The following KIF13A variants were observed in gnomAD, a reference collection of about 807,000 sequenced individuals.
KIF13A encodes the protein kinesin-like protein KIF13A.
Under a neutral mutation model 212.2 loss-of-function variants are expected in KIF13A, and 79 were observed. That is an observed-to-expected ratio of 0.37 (90% CI 0.31 to 0.45). The LOEUF is 0.45. Among genes scored for constraint, KIF13A ranks in the 20% least tolerant of loss-of-function variants. The pLI, the probability that KIF13A is intolerant of heterozygous loss-of-function variation, is 1.00. For synonymous variants in KIF13A, 789 were observed against 808.6 expected (o/e 0.98, Z 0.41); for missense variants, 1,901 against 2,209.0 (o/e 0.86, Z 2.79).
rs1370073450 is a variant in KIF13A at position 17,769,816 on chromosome 6, G to A, written c.4581+1298C>T. On this transcript the variant is annotated intron_variant, in intron 38 of 38. Coordinates refer to ENST00000259711, the MANE Select transcript of KIF13A (RefSeq NM_022113.6). This position sits in a 1 kb window ranked among gnomAD's most constrained non-coding sequence, Gnocchi z 5.8. The stretch of plus-strand genomic sequence containing the variant: ...AGCCCTTATTAATTGAGCAGAGGGT[G>A]GTCAGGTAAGTGAGAGAACAGCTCA... Among the ~76,000 whole-genome samples, 1 of 152,094 alleles carries A rather than the reference G, an allele frequency of 6.6e-6. No individual in the cohort carries two copies. Among genetic ancestry groups the A allele is most frequent in the Non-Finnish European group, 1.5e-5 (1 of 68,028 alleles).
chr6:17,951,279 C>G lies in KIF13A; in HGVS notation c.146+35775G>C, dbSNP rs1260048943. ...AGTAGCTGGGACCACAGGTATGCGC[C>G]ACCACGTCCAGCTAATTTTAAACAA... is the stretch of plus-strand genomic sequence containing the variant. On this transcript the variant is annotated intron_variant, in intron 2 of 38. Transcript: ENST00000259711. The surrounding 1 kb of genome is among the most constrained non-coding windows in gnomAD (Gnocchi z 4.9). The G allele has an allele frequency of 1.7e-6, 1 of 596,854 alleles. No homozygotes were observed. The highest frequency in any genetic ancestry group is 1.9e-5 in the African/African-American group (1 of 52,314). 37.0% of individuals were successfully genotyped at this position (596,854 alleles called of 1,614,324 possible).
At chr6:17,885,222 A>G (rs1182354964) in intron 3 of KIF13A, among the ~76,000 whole-genome samples, 1 of 152,218 alleles carries the variant, frequency 6.6e-6, no homozygotes, top group African/African-American at 2.4e-5. Context: ...AACTGCCTTC[A>G]CTACTGCTTT....
At chr6:17,910,666 A>G (rs1773965491) in intron 2 of KIF13A, among the ~76,000 whole-genome samples, 2 of 152,276 alleles carry the variant, frequency 1.3e-5, no homozygotes, top group African/African-American at 4.8e-5. Flanking sequence ...TGCCAACTTT[A>G]TAACAGAAGC....
chr6:17,894,081 T>C (rs544808465), intron 3 of KIF13A, among the ~76,000 whole-genome samples: 127 of 151,768 alleles, frequency 8.4e-4, no homozygotes, highest in Non-Finnish European at 1.5e-3. Flanking sequence ...CTCGTGATCC[T>C]CCCACCTTGG....
At position 17,796,726 on chromosome 6, in the gene KIF13A, C is replaced by G; in HGVS notation, c.2885G>C (p.Gly962Ala). The change falls in exon 23 of 39, where the codon GGC becomes GCC. Residue 962 changes from glycine (G) to alanine (A), a missense_variant. This residue lies in a region of KIF13A where 534 missense variants were observed against 536.9 expected (regional missense o/e 0.99). Coordinates refer to ENST00000259711, the MANE Select transcript of KIF13A (RefSeq NM_022113.6). The stretch of plus-strand genomic sequence containing the variant: ...AGAATCGACCTCCCAGATGGAGCTG[C>G]CATTTCCAGCACACCGGTGGCCCCA... ...EVWGHRCAGN[G>A]SSIWEVDSLH... is the part of the protein sequence containing the mutation. 1 of 1,593,410 alleles carries G rather than the reference C, an allele frequency of 6.3e-7. No homozygotes were observed.
chr6:17,948,637 A>C (rs1777609801), intron 2 of KIF13A, among the ~76,000 whole-genome samples: 1 of 131,784 alleles, frequency 7.6e-6, no homozygotes, highest in Non-Finnish European at 1.5e-5. Context: ...ATCTCGGCTC[A>C]CTGGGACCTC....
In KIF13A at chr6:17,834,900, A is replaced by T. The variant is rs545673240; in HGVS notation, c.1156-829T>A. ...TAGTGCTGAGTACAGTGGGACATAT[A>T]TGAAAATTATAGGCCAGGCCAATGG... On this transcript the variant is annotated intron_variant, in intron 11 of 38. Transcript: ENST00000259711. This position sits in a 1 kb window ranked among gnomAD's most constrained non-coding sequence, Gnocchi z 4.0. Among the ~76,000 whole-genome samples the T allele has an allele frequency of 2.0e-5, 3 of 152,258 alleles. No homozygotes were observed. In the South Asian group the frequency reaches 6.2e-4, roughly 32 times the overall value.
intron 34 of KIF13A, among the ~76,000 whole-genome samples, chr6:17,775,510 G>A (rs1338654258): frequency 6.6e-6 from 1 of 152,058 alleles, no homozygotes; most frequent in African/African-American, 2.4e-5. Flanking sequence ...TTTAGAATCA[G>A]CTTATCAAAT....
chr6:17,906,787 T>C lies in KIF13A; in HGVS notation c.147-8607A>G, dbSNP rs555241301. On this transcript the variant is annotated intron_variant, in intron 2 of 38. Coordinates refer to ENST00000259711, the MANE Select transcript of KIF13A (RefSeq NM_022113.6). ...CTTTTCAAGAACACTATTCTTGCAG[T>C]TGGTGAGGGGAAGCTACGGTTCCAT... Among the ~76,000 whole-genome samples the C allele has an allele frequency of 1.1e-4, 17 of 152,090 alleles. No individual in the cohort carries two copies. In the East Asian group the frequency reaches 2.7e-3, roughly 24 times the overall value.
chr6:17,942,324 C>A (rs1348746448), intron 2 of KIF13A, among the ~76,000 whole-genome samples: 1 of 128,924 alleles, frequency 7.8e-6, no homozygotes, highest in Non-Finnish European at 1.6e-5. Context: ...ACAACAAGAA[C>A]AACAACAACA....
Position 17,914,157 on chromosome 6 carries a change from G to T in KIF13A, c.147-15977C>A, listed in dbSNP as rs1027025091. Reference sequence around the variant, plus strand: ...AAGGCCATTTCTTAGTCTAAAGAATGTTCAGGTTAGAAGGCAAATCTCAAG... The same window carrying T: ...AAGGCCATTTCTTAGTCTAAAGAATTTTCAGGTTAGAAGGCAAATCTCAAG... On this transcript the variant is annotated intron_variant, in intron 2 of 38. Transcript: ENST00000259711. The surrounding 1 kb of genome is among the most constrained non-coding windows in gnomAD (Gnocchi z 5.9). Among the ~76,000 whole-genome samples the T allele has an allele frequency of 3.9e-5, 6 of 152,206 alleles. No homozygotes were observed. The highest frequency in any genetic ancestry group is 1.4e-4 in the African/African-American group (6 of 41,454).
At chr6:17,832,413 G>A (rs1267921342) in intron 12 of KIF13A, among the ~76,000 whole-genome samples, 1 of 152,094 alleles carries the variant, frequency 6.6e-6, no homozygotes. Context: ...AAGGCGGGTG[G>A]ATCACCTGAG....
intron 2 of KIF13A, among the ~76,000 whole-genome samples, chr6:17,913,096 CAT>C (rs892388667): frequency 6.0e-5 from 9 of 150,322 alleles, no homozygotes; most frequent in Non-Finnish European, 7.4e-5. Flanking sequence ...AATACATAAA[CAT>C]ATATATATAT....
chr6:17,804,451 G>T lies in KIF13A; in HGVS notation c.2364C>A (p.Asn788Lys). The change falls in exon 20 of 39, where the codon AAC becomes AAA. Residue 788 changes from asparagine to lysine, a missense_variant. Asn to Lys is a moderately conservative substitution (Grantham distance 94). This residue lies in a region of KIF13A where 534 missense variants were observed against 536.9 expected (regional missense o/e 0.99). Coordinates refer to ENST00000259711, the MANE Select transcript of KIF13A (RefSeq NM_022113.6). ...AGAATACATTCGCCACCCCGATGAG[G>T]TTGTGATTTTCTTGGGCTTCATAGA... ...DPFYEAQENH[N>K]LIGVANVFLE... is the part of the protein sequence containing the mutation. 2 of 1,587,432 alleles carry T rather than the reference G, an allele frequency of 1.3e-6. No individual in the cohort carries two copies. Among genetic ancestry groups the T allele is most frequent in the East Asian group, 2.3e-5 (1 of 43,716 alleles).
In KIF13A at chr6:17,912,056, C is replaced by A. The variant is rs975034661; in HGVS notation, c.147-13876G>T. Among the ~76,000 whole-genome samples the A allele has an allele frequency of 1.3e-5, 2 of 151,796 alleles. No homozygotes were observed. The highest frequency in any genetic ancestry group is 2.4e-5 in the African/African-American group (1 of 41,318). ...TGGGATTACAGGCATGAGGCACCGG[C>A]CATCAATAATAATTTAACTGTACAT... On this transcript the variant is annotated intron_variant, in intron 2 of 38. Transcript: ENST00000259711. This position sits in a 1 kb window ranked among gnomAD's most constrained non-coding sequence, Gnocchi z 4.2.
chr6:17,950,590 A>G (rs1191840842), intron 2 of KIF13A: 3 of 984,998 alleles, frequency 3.0e-6, no homozygotes, highest in Non-Finnish European at 3.6e-6. Flanking sequence ...TAACAAAAGC[A>G]TTATTTATCC....
At chr6:17,953,528 T>C (rs915131704) in intron 2 of KIF13A, 1 of 152,216 alleles carries the variant, frequency 6.6e-6, no homozygotes, top group African/African-American at 2.4e-5. Flanking sequence ...GGCAGAGGCT[T>C]GGGTGCGCTG....
chr6:17,939,008 G>A (rs925377288), intron 2 of KIF13A, among the ~76,000 whole-genome samples: 9 of 152,106 alleles, frequency 5.9e-5, no homozygotes, highest in African/African-American at 2.2e-4. Flanking sequence ...TGATACATAT[G>A]CAATAGTTAT....
At chr6:17,901,681 G>T (rs1037138268) in intron 2 of KIF13A, among the ~76,000 whole-genome samples, 5 of 152,064 alleles carry the variant, frequency 3.3e-5, no homozygotes, top group African/African-American at 1.2e-4. Context: ...CTTCCATTTT[G>T]GAGCTGCCCA....
Sources: allele counts gnomAD v4.1 joint callset (sites outside exome capture counted in the v4.1 genomes callset), GRCh38; gene constraint gnomAD v4.1.1; regional missense constraint gnomAD v4.1.1; non-coding constraint Gnocchi (gnomAD v3.1); transcripts MANE v1.5; gene names NCBI Gene and HGNC (gene_info 2026-07-23, HGNC 2026-07-21).